Variants in ACADVL observed in about 807,000 individuals in gnomAD.
ACADVL encodes acyl-CoA dehydrogenase very long chain, also known as very long-chain acyl-CoA dehydrogenase, mitochondrial.
Under a neutral mutation model 80.4 loss-of-function variants are expected in ACADVL, and 73 were observed. The ratio of observed to expected loss-of-function variants is 0.91; its 90% CI spans 0.75 to 1.10. The LOEUF (loss-of-function observed/expected upper bound fraction) is 1.10, where lower values mean the gene tolerates loss of function less well. Ranked by LOEUF, ACADVL falls within the 50% of genes least tolerant of loss-of-function variation. The pLI is 0.00. For synonymous variants in ACADVL, 392 were observed against 326.5 expected, an observed-to-expected ratio of 1.20 and a Z score of -2.16; for missense variants, 878 against 858.9, an observed-to-expected ratio of 1.02 and a Z score of -0.28.
At chr17:7,218,936 G>A, upstream of ACADVL, 2 of 1,464,670 alleles carry the variant, frequency 1.4e-6, no homozygotes, top group Non-Finnish European at 1.9e-6. Context: ...TGTGAGTAAA[G>A]TAGGCCGTCT....
Position 7,224,219 on chromosome 17 carries a change from GAGAGGC to G in ACADVL, c.1511_1516del (p.Glu504_Ala505del). 6.2e-7 allele frequency: 1 copy of G among 1,614,058 alleles called. No homozygotes were observed. Among genetic ancestry groups the G allele is most frequent in the Non-Finnish European group, 8.5e-7 (1 of 1,180,036 alleles). Reference sequence around the variant, plus strand: ...TTTGGGAATGCTGGCCTCCTGCTAGGAGAGGCAGGCAAACAGCTGAGGCGGTAGGCT... The same window carrying G: ...TTTGGGAATGCTGGCCTCCTGCTAGGAGGCAAACAGCTGAGGCGGTAGGCT... On this transcript the variant is annotated inframe_deletion, in exon 15 of 20. Coordinates refer to ENST00000356839, the MANE Select transcript of ACADVL (RefSeq NM_000018.4).
chr17:7,222,903 G>C (rs768632942), intron 10 of ACADVL, 38 bp downstream of exon 10: 23 of 1,603,428 alleles, frequency 1.4e-5, no homozygotes, highest in Non-Finnish European at 1.8e-5. Flanking sequence ...AACCCAAACA[G>C]AAGTCTCACT....
chr17:7,217,797 C>T (rs1039451713), upstream of ACADVL: 12 of 1,535,010 alleles, frequency 7.8e-6, no homozygotes, highest in Non-Finnish European at 9.6e-6. Flanking sequence ...CAGCCACCAG[C>T]GATGACAGCA....
At chr17:7,219,931 G>GGACGCGGGCGTGCAT, upstream of ACADVL, 1 of 1,575,666 alleles carries the variant, frequency 6.3e-7, no homozygotes. Context: ...TGGGCGTGCA[G>GGACGCGGGCGTGCAT]GACGCCAGAG....
chr17:7,220,741 C>A, intron 4 of ACADVL, 25 bp from the exon 5 acceptor site: 1 of 1,614,178 alleles, frequency 6.2e-7, no homozygotes, highest in Non-Finnish European at 8.5e-7. Flanking sequence ...CCTGGCCTGA[C>A]CAGCCTGTCC....
intron 9 of ACADVL, 82 bp from the exon 10 acceptor site, chr17:7,222,585 G>A (rs2071282620): frequency 2.1e-6 from 3 of 1,396,014 alleles, no homozygotes; most frequent in East Asian, 2.5e-5. Flanking sequence ...CCTCCCTGGT[G>A]CATAAGGAGC....
upstream of ACADVL, chr17:7,219,866 C>T: frequency 6.5e-7 from 1 of 1,539,380 alleles, no homozygotes; most frequent in Non-Finnish European, 8.7e-7. Flanking sequence ...GGCCCGCAAC[C>T]GTCCGCCGCC....
At chr17:7,221,271 T>C (rs1041516961) in intron 6 of ACADVL, 1 of 967,918 alleles carries the variant, frequency 1.0e-6, no homozygotes, top group Non-Finnish European at 1.5e-6. Flanking sequence ...CCCAAGTCCT[T>C]ACAAATCTCT....
At chr17:7,224,111 G>GT in intron 14 of ACADVL, 35 bp from the exon 15 acceptor site, 1 of 1,613,612 alleles carries the variant, frequency 6.2e-7, no homozygotes, top group Non-Finnish European at 8.5e-7. Flanking sequence ...GGGGAGGACA[G>GT]TGAGTCCTGA....
chr17:7,219,895 G>A (rs1377669399), upstream of ACADVL: 3 of 1,548,542 alleles, frequency 1.9e-6, no homozygotes, highest in East Asian at 4.7e-5. Context: ...TGTGGACGAT[G>A]AGTCAGGGTT....
At chr17:7,220,371 C>G in intron 2 of ACADVL, 93 bp from the exon 3 acceptor site, 2 of 1,590,624 alleles carry the variant, frequency 1.3e-6, no homozygotes, top group Non-Finnish European at 8.6e-7. Flanking sequence ...AAGGTCACCG[C>G]TTCGCGCCGC....
At chr17:7,219,901 G>T, upstream of ACADVL, 3 of 1,555,094 alleles carry the variant, frequency 1.9e-6, no homozygotes, top group East Asian at 4.7e-5. Context: ...CGATGAGTCA[G>T]GGTTAGGGGC....
At chr17:7,221,743 C>T in intron 7 of ACADVL, 61 bp downstream of exon 7, 1 of 1,610,772 alleles carries the variant, frequency 6.2e-7, no homozygotes, top group Non-Finnish European at 8.5e-7. Flanking sequence ...ACAGATTAGG[C>T]CAGTTGGCAC....
chr17:7,222,159 T>C lies in ACADVL; in HGVS notation c.753-18T>C. 1 of 1,614,150 alleles carries C rather than the reference T, an allele frequency of 6.2e-7. No homozygotes were observed. The highest frequency in any genetic ancestry group is 8.5e-7 in the Non-Finnish European group (1 of 1,180,020). On this transcript the variant is annotated intron_variant, in intron 8 of 19. Transcript: ENST00000356839. ...TGCTCCCCGTCCTCCACGCCCTGAA[T>C]ATCCCATTCTTCCACAGTAATGGGG...
chr17:7,217,556 TGGGGTGG>T, upstream of ACADVL: 1 of 95,722 alleles, frequency 1.0e-5, no homozygotes, highest in Non-Finnish European at 1.2e-5. Flanking sequence ...GGCGGGGGAG[TGGGGTGG>T]GGGGGTTGGA....
At chr17:7,217,861 C>T, upstream of ACADVL, 1 of 1,514,286 alleles carries the variant, frequency 6.6e-7, no homozygotes, top group Non-Finnish European at 8.9e-7. Flanking sequence ...TATAGTTGGG[C>T]TGGGAGCACC....
upstream of ACADVL, chr17:7,219,125 G>A: frequency 1.9e-6 from 1 of 530,958 alleles, no homozygotes; most frequent in Non-Finnish European, 3.3e-6. Context: ...AAGAAGCTGA[G>A]CCCAGCTCTC....
At chr17:7,218,660 T>A, upstream of ACADVL, 21 of 1,555,922 alleles carry the variant, frequency 1.3e-5, no homozygotes, top group Non-Finnish European at 1.8e-5. Flanking sequence ...GCAAGGAGAA[T>A]TGGGACAGGG....
In ACADVL at chr17:7,220,909, C is replaced by G; in HGVS notation, c.343-15C>G. On this transcript the variant is annotated splice_polypyrimidine_tract_variant and intron_variant, in intron 5 of 19. Coordinates refer to ENST00000356839, the MANE Select transcript of ACADVL (RefSeq NM_000018.4). The stretch of plus-strand genomic sequence containing the variant: ...TCAAAAGGAGCCTGGATGTGGGATC[C>G]TGTGCCTTCCCCAGGAAGTGAACGA... 6.2e-7 allele frequency: 1 copy of G among 1,614,116 alleles called. No individual in the cohort carries two copies.
Sources: gnomAD v4.1 joint callset for allele counts on GRCh38, gnomAD v4.1.1 for gene constraint, MANE v1.5 for transcripts, NCBI Gene and HGNC (gene_info 2026-07-23, HGNC 2026-07-21) for gene names.